The following USP14 variants were observed in gnomAD, a reference collection of about 807,000 sequenced individuals.
The protein encoded by USP14 is ubiquitin carboxyl-terminal hydrolase 14.
USP14 carries 38 observed loss-of-function variants against 76.5 expected under a neutral mutation model. The observed-to-expected ratio is 0.50, with a 90% CI of 0.38 to 0.65. The LOEUF (loss-of-function observed/expected upper bound fraction) is 0.65, where lower values mean the gene tolerates loss of function less well. Among genes scored for constraint, USP14 ranks in the 30% least tolerant of loss-of-function variants. The probability of loss-of-function intolerance (pLI) is 0.00; values close to 1 mark genes in which losing one functional copy is unlikely to be tolerated. For synonymous variants in USP14, 192 were observed against 191.7 expected (o/e 1.00, Z -0.01); for missense variants, 467 against 586.5 (o/e 0.80, Z 2.10).
intron 7 of USP14, among the ~76,000 whole-genome samples, chr18:197,164 C>T (rs2064945839): frequency 6.6e-6 from 1 of 152,200 alleles, no homozygotes; most frequent in South Asian, 2.1e-4. Context: ...CCTCTTCCTG[C>T]AGGGCCTTTG....
At chr18:197,975 A>G (rs1910284839) in intron 8 of USP14, 72 bp from the exon 9 acceptor site, 2 of 1,341,448 alleles carry the variant, frequency 1.5e-6, no homozygotes, top group African/African-American at 3.0e-5. Flanking sequence ...TGTATTACTA[A>G]ACTGGATTGT....
intron 1 of USP14, among the ~76,000 whole-genome samples, chr18:161,125 A>G (rs1367386681): frequency 1.3e-5 from 2 of 152,078 alleles, no homozygotes; most frequent in Non-Finnish European, 2.9e-5. Flanking sequence ...ACGAGGTTTC[A>G]CCGTATTGGC....
intron 15 of USP14, 104 bp from the exon 16 acceptor site, chr18:211,029 G>C (rs1432383543): frequency 4.7e-5 from 57 of 1,211,562 alleles, no homozygotes; most frequent in Non-Finnish European, 6.5e-5. Context: ...GGTGTGGCCA[G>C]TGGAGCACTG....
chr18:194,499 G>T (rs543659346), intron 6 of USP14, among the ~76,000 whole-genome samples: 1 of 151,982 alleles, frequency 6.6e-6, no homozygotes, highest in Non-Finnish European at 1.5e-5. Context: ...ACTTTTAGTC[G>T]CATTTGGTTT....
intron 3 of USP14, among the ~76,000 whole-genome samples, chr18:177,665 TCCTA>T (rs1909664631): frequency 6.6e-6 from 1 of 150,386 alleles, no homozygotes. Flanking sequence ...CCACTTCTGG[TCCTA>T]CCTTTTACTT....
intron 5 of USP14, among the ~76,000 whole-genome samples, chr18:189,623 C>T (rs964675893): frequency 1.3e-5 from 2 of 152,054 alleles, no homozygotes; most frequent in Admixed American, 6.5e-5. Flanking sequence ...GCTGGGACTA[C>T]AGGCGCGTGT....
At position 192,920 on chromosome 18, in the gene USP14, T is replaced by C; in HGVS notation, c.463+20T>C. 6.3e-7 allele frequency: 1 copy of C among 1,599,940 alleles called. No homozygotes were observed. Among genetic ancestry groups the C allele is most frequent in the Non-Finnish European group, 8.5e-7 (1 of 1,170,454 alleles). The stretch of plus-strand genomic sequence containing the variant: ...CTGCAGGTTTGTATACTAAATATAC[T>C]ACTTTTTGATAGGAGTAAGACATTC... On this transcript the variant is annotated intron_variant, in intron 6 of 15. Transcript: ENST00000261601.
rs759478554 is a variant in USP14 at position 202,965 on chromosome 18, C to T, written c.942+20C>T. On this transcript the variant is annotated intron_variant, in intron 11 of 15. Transcript: ENST00000261601. ...AAATCTGTAAGTTATGCAGTCCTTT[C>T]GAAGCCAAATTCCGCTTCACTGAAA... is the stretch of plus-strand genomic sequence containing the variant. 7.6e-5 allele frequency: 123 copies of T among 1,612,894 alleles called. 2 individuals carry two copies. In the East Asian group the frequency reaches 1.9e-3, roughly 25 times the overall value.
intron 3 of USP14, among the ~76,000 whole-genome samples, chr18:168,477 C>T (rs980508248): frequency 6.6e-6 from 1 of 152,080 alleles, no homozygotes; most frequent in African/African-American, 2.4e-5. Flanking sequence ...CTTTGTCGCC[C>T]AGGCTGGAGT....
At chr18:166,312 A>C (rs1333038711) in intron 2 of USP14, among the ~76,000 whole-genome samples, 1 of 152,152 alleles carries the variant, frequency 6.6e-6, no homozygotes, top group Admixed American at 6.5e-5. Flanking sequence ...CCCTGGCTTT[A>C]GTACCACTTG....
intron 1 of USP14, 68 bp from the exon 2 acceptor site, chr18:163,240 A>G: frequency 1.4e-6 from 2 of 1,427,432 alleles, no homozygotes; most frequent in East Asian, 2.5e-5. Flanking sequence ...CTAATTGGTG[A>G]TCTTCTAAGG....
chr18:171,461 C>G (rs1305325029), intron 3 of USP14, among the ~76,000 whole-genome samples: 2 of 152,116 alleles, frequency 1.3e-5, no homozygotes, highest in African/African-American at 4.8e-5. Flanking sequence ...CAACAAAGCC[C>G]AGATGCCAGT....
At chr18:207,839 T>C (rs1248084723) in intron 13 of USP14, among the ~76,000 whole-genome samples, 1 of 152,228 alleles carries the variant, frequency 6.6e-6, no homozygotes, top group Non-Finnish European at 1.5e-5. Context: ...TTTTTGATGC[T>C]TTTGTAAATG....
rs376419661 is a variant in USP14 at position 169,293 on chromosome 18, G to C, written c.195+2474G>C. Among the ~76,000 whole-genome samples the C allele has an allele frequency of 6.8e-5, 10 of 147,132 alleles. No homozygotes were observed. In the East Asian group the frequency reaches 2.0e-3, roughly 29 times the overall value. On this transcript the variant is annotated intron_variant, in intron 3 of 15. Transcript: ENST00000261601. ...AGAGAATTGCTTGACTTTGGGAGGC[G>C]GAGGTTGCAGTGAGCTGAGATCACA...
At chr18:170,958 A>G (rs985318233) in intron 3 of USP14, among the ~76,000 whole-genome samples, 5 of 148,144 alleles carry the variant, frequency 3.4e-5, no homozygotes, top group Admixed American at 6.9e-5. Flanking sequence ...CCATGACACA[A>G]TGTTTACCTG....
At chr18:189,399 A>G (rs964782046) in intron 5 of USP14, among the ~76,000 whole-genome samples, 6 of 151,988 alleles carry the variant, frequency 3.9e-5, no homozygotes, top group African/African-American at 7.2e-5. Context: ...CTTGTTCTCT[A>G]TTTGTTAGAT....
At chr18:188,479 T>A (rs1034876838) in intron 5 of USP14, among the ~76,000 whole-genome samples, 2 of 151,626 alleles carry the variant, frequency 1.3e-5, no homozygotes, top group African/African-American at 4.8e-5. Context: ...TTAGTAAGAC[T>A]GATTTATAGC....
At chr18:174,874 C>T (rs1419047001) in intron 3 of USP14, among the ~76,000 whole-genome samples, 1 of 152,108 alleles carries the variant, frequency 6.6e-6, no homozygotes, top group Admixed American at 6.6e-5. Flanking sequence ...CTCCCAGGTT[C>T]AAGCAGTTCT....
At chr18:188,327 C>G (rs1263485198) in intron 5 of USP14, among the ~76,000 whole-genome samples, 1 of 152,080 alleles carries the variant, frequency 6.6e-6, no homozygotes, top group Non-Finnish European at 1.5e-5. Context: ...TAAGATTTTT[C>G]TCACTGGATC....
Sources: gnomAD v4.1 joint callset for allele counts (sites outside exome capture counted in the v4.1 genomes callset) on GRCh38, gnomAD v4.1.1 for gene constraint, MANE v1.5 for transcripts, NCBI Gene and HGNC (gene_info 2026-07-23, HGNC 2026-07-21) for gene names.